The following CBY2 variants were observed in gnomAD, a reference collection of about 807,000 sequenced individuals.
The protein encoded by CBY2 is protein chibby homolog 2.
In CBY2, 23 loss-of-function variants were observed where a neutral mutation model predicts 25.3. The observed-to-expected ratio is 0.91, with a 90% CI of 0.65 to 1.29. The LOEUF is 1.29. CBY2 is among the 50% of genes most tolerant of loss of function. The pLI, the probability that CBY2 is intolerant of heterozygous loss-of-function variation, is 0.00. For synonymous variants in CBY2, 279 were observed against 260.2 expected, an observed-to-expected ratio of 1.07 and a Z score of -0.70; for missense variants, 642 against 590.7, an observed-to-expected ratio of 1.09 and a Z score of -0.90.
intron 2 of CBY2, chr13:45,703,545 T>C: frequency 6.4e-7 from 1 of 1,551,026 alleles, no homozygotes; most frequent in South Asian, 1.2e-5. Flanking sequence ...ACCAGGGCCA[T>C]GCAACCAGAG....
chr13:45,705,308 ACGTG>A (rs1950233822), intron 2 of CBY2, among the ~76,000 whole-genome samples: 1 of 152,160 alleles, frequency 6.6e-6, no homozygotes. Context: ...TCCCCAATGA[ACGTG>A]CTCTGTGAAT....
chr13:45,704,576 C>T lies in CBY2; in HGVS notation c.156+1721C>T, dbSNP rs983580765. On this transcript the variant is annotated intron_variant, in intron 2 of 2. Coordinates refer to ENST00000310521, the MANE Select transcript of CBY2 (RefSeq NM_152719.3). This position sits in a 1 kb window ranked among gnomAD's most constrained non-coding sequence, Gnocchi z 4.1. ...CCTGCGAGAGGGACCAGTGTGCTCA[C>T]TCTACCTCCCTAAATGAGATGGCAC... Among the ~76,000 whole-genome samples the T allele has an allele frequency of 2.0e-5, 3 of 152,160 alleles. No homozygotes were observed. The highest frequency in any genetic ancestry group is 4.4e-5 in the Non-Finnish European group (3 of 68,030).
chr13:45,711,241 T>G (rs1229022094), intron 2 of CBY2, among the ~76,000 whole-genome samples: 2 of 152,198 alleles, frequency 1.3e-5, no homozygotes, highest in African/African-American at 4.8e-5. Context: ...TAATAATACC[T>G]TATGGTTCTT....
Position 45,713,972 on chromosome 13 carries a change from C to T in CBY2, c.947C>T (p.Ala316Val). Residue 316 changes from alanine to valine, a missense_variant, in exon 3 of 3, where the codon GCC becomes GTC. Transcript: ENST00000310521. This position sits in a 1 kb window ranked among gnomAD's most constrained non-coding sequence, Gnocchi z 5.0. ...SRFEEPKGPP[A>V]RQEDSKELRA... ...TTCGAGGAGCCCAAAGGGCCTCCGG[C>T]CCGGCAGGAGGACTCCAAGGAGCTG... 1 of 1,517,138 alleles carries T rather than the reference C, an allele frequency of 6.6e-7. No individual in the cohort carries two copies. The highest frequency in any genetic ancestry group is 8.8e-7 in the Non-Finnish European group (1 of 1,137,620). The allele number at this position is 1,517,138 out of a possible 1,614,324, so 94.0% of individuals were successfully genotyped here. A position where few individuals can be genotyped will look rare whatever the true frequency, so the allele number is the denominator to read the frequency against.
In CBY2 at chr13:45,714,034, C is replaced by A. The variant is rs1452962450; in HGVS notation, c.1009C>A (p.Pro337Thr). 1 of 1,491,076 alleles carries A rather than the reference C, an allele frequency of 6.7e-7. No homozygotes were observed. The highest frequency in any genetic ancestry group is 8.9e-7 in the Non-Finnish European group (1 of 1,119,850). 92.4% of individuals were successfully genotyped at this position (1,491,076 alleles called of 1,614,324 possible). A position where few individuals can be genotyped will look rare whatever the true frequency, so the allele number is the denominator to read the frequency against. The stretch of plus-strand genomic sequence containing the variant: ...GAAGATGGTCAGCAACATGTCCGGG[C>A]CCTCCGGGGAGGAGGAGGCCAAGGT... ...LRKMVSNMSG[P>T]SGEEEAKVGP... The change falls in exon 3 of 3, where the codon CCC becomes ACC. Residue 337 changes from proline (P) to threonine (T), a missense_variant. By Grantham distance (38) the Pro-to-Thr change is conservative (BLOSUM62 -1). Transcript: ENST00000310521.
At chr13:45,703,026 C>T in intron 2 of CBY2, 171 bp downstream of exon 2, 1 of 1,172,036 alleles carries the variant, frequency 8.5e-7, no homozygotes, top group Non-Finnish European at 1.1e-6. Context: ...GGCCACATAG[C>T]CCCTCTGGGC....
chr13:45,711,395 G>T (rs1950269364), intron 2 of CBY2, among the ~76,000 whole-genome samples: 1 of 152,164 alleles, frequency 6.6e-6, no homozygotes, highest in Non-Finnish European at 1.5e-5. Context: ...GTGCCTTTAA[G>T]ATCATGGAGC....
At chr13:45,711,833 C>T (rs1950272010) in intron 2 of CBY2, among the ~76,000 whole-genome samples, 1 of 152,246 alleles carries the variant, frequency 6.6e-6, no homozygotes, top group Admixed American at 6.5e-5. Context: ...ATGAATTCCT[C>T]AGGGTCCTTG....
In CBY2 at chr13:45,713,641, T is replaced by C; in HGVS notation, c.616T>C (p.Ser206Pro). ...LQVFWEEHKASLGREESRAPS... is the reference protein window; with the variant it reads ...LQVFWEEHKAPLGREESRAPS... Reference sequence around the variant, plus strand: ...GGTCTTCTGGGAGGAGCACAAGGCCTCGCTGGGCCGAGAGGAGAGCCGGGC... The same window carrying C: ...GGTCTTCTGGGAGGAGCACAAGGCCCCGCTGGGCCGAGAGGAGAGCCGGGC... The change falls in exon 3 of 3, where the codon TCG becomes CCG. Residue 206 changes from serine (S) to proline (P), a missense_variant. Physicochemically the swap from Ser to Pro is moderately conservative, Grantham distance 74 (BLOSUM62 -1). Coordinates refer to ENST00000310521, the MANE Select transcript of CBY2 (RefSeq NM_152719.3). This position sits in a 1 kb window ranked among gnomAD's most constrained non-coding sequence, Gnocchi z 5.0. 3 of 1,613,480 alleles carry C rather than the reference T, an allele frequency of 1.9e-6. No homozygotes were observed. The highest frequency in any genetic ancestry group is 2.5e-6 in the Non-Finnish European group (3 of 1,179,954).
chr13:45,714,406 G>C lies in CBY2; in HGVS notation c.*34G>C. The C allele has an allele frequency of 6.6e-7, 1 of 1,512,966 alleles. No individual in the cohort carries two copies. The highest frequency in any genetic ancestry group is 8.9e-7 in the Non-Finnish European group (1 of 1,122,510). 93.7% of individuals were successfully genotyped at this position (1,512,966 alleles called of 1,614,324 possible). A position where few individuals can be genotyped will look rare whatever the true frequency, so the allele number is the denominator to read the frequency against. ...CCTTGCACCGGGACGCCGAGTTTGG[G>C]ACACCGAACACTGGGCAAAAGAGAA... On this transcript the variant is annotated 3_prime_UTR_variant, in exon 3 of 3. Coordinates refer to ENST00000310521, the MANE Select transcript of CBY2 (RefSeq NM_152719.3).
chr13:45,708,682 C>T (rs1180740033), intron 2 of CBY2, among the ~76,000 whole-genome samples: 1 of 152,144 alleles, frequency 6.6e-6, no homozygotes, highest in African/African-American at 2.4e-5. Context: ...CAATCATGAT[C>T]CTTGTCATGT....
At chr13:45,703,539 G>C (rs1950222876) in intron 2 of CBY2, 1 of 1,551,002 alleles carries the variant, frequency 6.4e-7, no homozygotes. Flanking sequence ...TGGAAGACCA[G>C]GGCCATGCAA....
At chr13:45,705,854 G>A (rs757085780) in intron 2 of CBY2, among the ~76,000 whole-genome samples, 24 of 152,194 alleles carry the variant, frequency 1.6e-4, no homozygotes, top group Non-Finnish European at 3.2e-4. Flanking sequence ...GTAACCCTCA[G>A]TAATGTTGGC....
chr13:45,714,003 C>A lies in CBY2; in HGVS notation c.978C>A (p.Ala326=), dbSNP rs555606832. ...ARQEDSKELR[A]LRKMVSNMSG... Reference sequence around the variant, plus strand: ...AGGAGGACTCCAAGGAGCTGCGCGCCCTGCGGAAGATGGTCAGCAACATGT... The same window carrying A: ...AGGAGGACTCCAAGGAGCTGCGCGCACTGCGGAAGATGGTCAGCAACATGT... Residue 326 remains alanine (A), a synonymous_variant, in exon 3 of 3, where the codon GCC becomes GCA. Transcript: ENST00000310521. 6 of 1,494,652 alleles carry A rather than the reference C, an allele frequency of 4.0e-6. No individual in the cohort carries two copies. The African/African-American group carries it at 7.1e-5, about 18-fold the overall frequency. The allele number at this position is 1,494,652 out of a possible 1,614,324, so 92.6% of individuals were successfully genotyped here.
intron 2 of CBY2, among the ~76,000 whole-genome samples, chr13:45,707,673 G>A (rs1165022327): frequency 6.6e-6 from 1 of 152,198 alleles, no homozygotes; most frequent in Non-Finnish European, 1.5e-5. Flanking sequence ...GAGAGGACAG[G>A]CCTGGTTGTA....
At chr13:45,703,686 A>ATTCAAC (rs1950224273) in intron 2 of CBY2, 1 of 1,110,766 alleles carries the variant, frequency 9.0e-7, no homozygotes, top group Non-Finnish European at 1.3e-6. Flanking sequence ...CTAGGCAAGT[A>ATTCAAC]TGTTCAGCGG....
At position 45,714,412 on chromosome 13, in the gene CBY2, G is replaced by T; in HGVS notation, c.*40G>T. The stretch of plus-strand genomic sequence containing the variant: ...ACCGGGACGCCGAGTTTGGGACACC[G>T]AACACTGGGCAAAAGAGAATCCCCT... On this transcript the variant is annotated 3_prime_UTR_variant, in exon 3 of 3. Coordinates refer to ENST00000310521, the MANE Select transcript of CBY2 (RefSeq NM_152719.3). The T allele has an allele frequency of 6.7e-7, 1 of 1,485,724 alleles. No homozygotes were observed. The highest frequency in any genetic ancestry group is 1.3e-5 in the South Asian group (1 of 76,196). 92.0% of individuals were successfully genotyped at this position (1,485,724 alleles called of 1,614,324 possible).
At chr13:45,711,087 G>A (rs1353955162) in intron 2 of CBY2, among the ~76,000 whole-genome samples, 1 of 152,144 alleles carries the variant, frequency 6.6e-6, no homozygotes, top group African/African-American at 2.4e-5. Context: ...AGTACTTTTG[G>A]TGTATTTGGA....
In CBY2 at chr13:45,702,579, A is replaced by G. The variant is rs561189801; in HGVS notation, c.75+114A>G. The G allele has an allele frequency of 5.0e-4, 493 of 994,114 alleles. 11 individuals carry two copies. In the South Asian group the frequency reaches 6.4e-3, roughly 13 times the overall value. 61.6% of individuals were successfully genotyped at this position (994,114 alleles called of 1,614,324 possible). A position where few individuals can be genotyped will look rare whatever the true frequency, so the allele number is the denominator to read the frequency against. On this transcript the variant is annotated intron_variant, in intron 1 of 2. Coordinates refer to ENST00000310521, the MANE Select transcript of CBY2 (RefSeq NM_152719.3). Reference sequence around the variant, plus strand: ...TTACATCAACTATAATATCTAGCTTAATATCTGTTCAGAGATTGATAAACC... The same window carrying G: ...TTACATCAACTATAATATCTAGCTTGATATCTGTTCAGAGATTGATAAACC...
Sources: gnomAD v4.1 joint callset for allele counts (sites outside exome capture counted in the v4.1 genomes callset) on GRCh38, gnomAD v4.1.1 for gene constraint, Gnocchi (gnomAD v3.1) non-coding constraint, MANE v1.5 for transcripts, NCBI Gene and HGNC (gene_info 2026-07-23, HGNC 2026-07-21) for gene names.